Variants in CD86 observed in about 807,000 individuals in gnomAD.
CD86 encodes T-lymphocyte activation antigen CD86.
CD86 carries 11 observed loss-of-function variants against 32.1 expected under a neutral mutation model. The observed-to-expected ratio is 0.34, with a 90% CI of 0.22 to 0.57. The LOEUF is 0.57. Among genes scored for constraint, CD86 ranks in the 20% least tolerant of loss-of-function variants. The pLI is 0.86. For missense variants in CD86, 359 were observed against 398.4 expected, an observed-to-expected ratio of 0.90 and a Z score of 0.84; for synonymous variants, 137 against 135.3, an observed-to-expected ratio of 1.01 and a Z score of -0.09.
intron 2 of CD86, among the ~76,000 whole-genome samples, chr3:122,093,631 A>G (rs1459319868): frequency 6.6e-6 from 1 of 152,224 alleles, no homozygotes. Flanking sequence ...ATATGGTGTT[A>G]TAATCTTATG....
intron 5 of CD86, among the ~76,000 whole-genome samples, chr3:122,112,478 A>C (rs980915311): frequency 6.6e-6 from 1 of 151,954 alleles, no homozygotes; most frequent in African/African-American, 2.4e-5. Flanking sequence ...CACCAAGCCC[A>C]GGTAATTTTT....
At chr3:122,094,788 G>C (rs2072880656) in intron 2 of CD86, among the ~76,000 whole-genome samples, 1 of 152,194 alleles carries the variant, frequency 6.6e-6, no homozygotes, top group Admixed American at 6.5e-5. Context: ...TGCTGCCCCT[G>C]CTCTTGAGGA....
intron 1 of CD86, among the ~76,000 whole-genome samples, chr3:122,081,670 A>T (rs1238927199): frequency 6.6e-6 from 1 of 152,236 alleles, no homozygotes; most frequent in African/African-American, 2.4e-5. Context: ...AACAGCCCTC[A>T]TAAGTGGGAG....
chr3:122,113,426 C>T (rs1258466494), intron 5 of CD86, among the ~76,000 whole-genome samples: 1 of 152,166 alleles, frequency 6.6e-6, no homozygotes, highest in East Asian at 1.9e-4. Context: ...TAAGGAATCT[C>T]CATACTGTTT....
intron 1 of CD86, among the ~76,000 whole-genome samples, chr3:122,073,854 A>T (rs1383982862): frequency 1.3e-5 from 2 of 152,204 alleles, no homozygotes; most frequent in Non-Finnish European, 2.9e-5. Flanking sequence ...TATATATGAA[A>T]TCATCACTTT....
intron 1 of CD86, among the ~76,000 whole-genome samples, chr3:122,076,003 T>A (rs1032124531): frequency 1.3e-5 from 2 of 152,216 alleles, no homozygotes; most frequent in Non-Finnish European, 2.9e-5. Context: ...GTTAAATAAC[T>A]GCCCCAAGAA....
chr3:122,067,351 G>T (rs930242581), intron 1 of CD86, among the ~76,000 whole-genome samples: 1 of 152,176 alleles, frequency 6.6e-6, no homozygotes, highest in Non-Finnish European at 1.5e-5. Flanking sequence ...GTCCAAACAA[G>T]AGGTGACAAA....
At chr3:122,111,924 C>T (rs1249352966) in intron 5 of CD86, among the ~76,000 whole-genome samples, 1 of 152,216 alleles carries the variant, frequency 6.6e-6, no homozygotes, top group African/African-American at 2.4e-5. Flanking sequence ...TATGCCTCAA[C>T]TGTATATATT....
intron 1 of CD86, among the ~76,000 whole-genome samples, chr3:122,081,040 T>G (rs2072626737): frequency 6.6e-6 from 1 of 152,220 alleles, no homozygotes; most frequent in African/African-American, 2.4e-5. Context: ...TTCTTTAAGC[T>G]GTCATTACAC....
At chr3:122,055,761 T>C (rs543910767) in intron 1 of CD86, among the ~76,000 whole-genome samples, 26 of 152,342 alleles carry the variant, frequency 1.7e-4, no homozygotes, top group African/African-American at 6.3e-4. Flanking sequence ...TACTGAATGT[T>C]ACAGTCATTG....
At chr3:122,094,142 G>A (rs1012349556) in intron 2 of CD86, among the ~76,000 whole-genome samples, 2 of 152,168 alleles carry the variant, frequency 1.3e-5, no homozygotes, top group Non-Finnish European at 2.9e-5. Flanking sequence ...CTCAAGATCT[G>A]GGAGAGAAGG....
intron 1 of CD86, among the ~76,000 whole-genome samples, chr3:122,069,855 GT>G (rs2072465877): frequency 6.6e-6 from 1 of 152,140 alleles, no homozygotes; most frequent in Admixed American, 6.5e-5. Flanking sequence ...TGCTGCGGTT[GT>G]CACTAGCCTG....
Position 122,119,611 on chromosome 3 carries a change from T to C in CD86, c.*77T>C. The C allele has an allele frequency of 1.1e-6, 1 of 927,392 alleles. No individual in the cohort carries two copies. 57.4% of individuals were successfully genotyped at this position (927,392 alleles called of 1,614,324 possible). A position where few individuals can be genotyped will look rare whatever the true frequency, so the allele number is the denominator to read the frequency against. ...AAGTTCCTGGGCAACCTTTTTGATTTCTTCCAGAAGGCAAAAAGACATTAC... is the reference window on the plus strand; with the variant it reads ...AAGTTCCTGGGCAACCTTTTTGATTCCTTCCAGAAGGCAAAAAGACATTAC... On this transcript the variant is annotated 3_prime_UTR_variant, in exon 7 of 7. Transcript: ENST00000330540.
chr3:122,086,287 C>A (rs140040149), intron 1 of CD86, among the ~76,000 whole-genome samples: 1 of 152,164 alleles, frequency 6.6e-6, no homozygotes, highest in Non-Finnish European at 1.5e-5. Context: ...TAACATTCTA[C>A]ACAAAGTTGT....
chr3:122,093,550 T>C (rs1427431446), intron 2 of CD86, among the ~76,000 whole-genome samples: 6 of 152,202 alleles, frequency 3.9e-5, no homozygotes, highest in African/African-American at 1.2e-4. Context: ...CTGAATACTG[T>C]AGGTGTTGTA....
intron 1 of CD86, among the ~76,000 whole-genome samples, chr3:122,058,182 C>G (rs911567371): frequency 2.0e-5 from 3 of 152,166 alleles, no homozygotes; most frequent in African/African-American, 7.2e-5. Context: ...CAAGATTATA[C>G]AACCACTTAA....
chr3:122,059,081 A>C (rs898497483), intron 1 of CD86, among the ~76,000 whole-genome samples: 11 of 152,106 alleles, frequency 7.2e-5, no homozygotes, highest in African/African-American at 2.2e-4. Flanking sequence ...CTTCTCTAAC[A>C]TGTTGAGTTT....
chr3:122,072,502 G>A (rs1342296181), intron 1 of CD86, among the ~76,000 whole-genome samples: 1 of 152,178 alleles, frequency 6.6e-6, no homozygotes, highest in African/African-American at 2.4e-5. Flanking sequence ...ATTTTTTCAT[G>A]TGTCTTTTGG....
intron 1 of CD86, chr3:122,086,587 A>T: frequency 2.1e-6 from 1 of 482,086 alleles, no homozygotes; most frequent in Non-Finnish European, 4.2e-6. Context: ...TGAAGCCTAA[A>T]TCCACGCTGG....
Sources: gnomAD v4.1 joint callset for allele counts (sites outside exome capture counted in the v4.1 genomes callset) on GRCh38, gnomAD v4.1.1 for gene constraint, MANE v1.5 for transcripts, NCBI Gene and HGNC (gene_info 2026-07-23, HGNC 2026-07-21) for gene names.